Variants in PHACTR1 observed in about 807,000 individuals in gnomAD.
PHACTR1 encodes the protein phosphatase and actin regulator 1.
In PHACTR1, 16 loss-of-function variants were observed where a neutral mutation model predicts 69.2. That is an observed-to-expected ratio of 0.23 (90% confidence interval 0.16 to 0.35). The LOEUF (loss-of-function observed/expected upper bound fraction) is 0.35, where lower values mean the gene tolerates loss of function less well. PHACTR1 is among the 10% of genes least tolerant of loss of function. The pLI is 1.00. For missense variants in PHACTR1, 510 were observed against 734.7 expected, an observed-to-expected ratio of 0.69 and a Z score of 3.54; for synonymous variants, 312 against 284.5, an observed-to-expected ratio of 1.10 and a Z score of -0.97.
chr6:12,820,337 C>G (rs145058910), intron 4 of PHACTR1, among the ~76,000 whole-genome samples: 1 of 152,166 alleles, frequency 6.6e-6, no homozygotes, highest in African/African-American at 2.4e-5. Context: ...CATGCCACCA[C>G]GTCTGACTAA....
intron 12 of PHACTR1, chr6:13,281,146 C>T (rs1385483722): frequency 7.8e-7 from 1 of 1,284,258 alleles, no homozygotes. Flanking sequence ...GTCTTCGGTT[C>T]ACTCCAGACT....
At position 12,963,454 on chromosome 6, in the gene PHACTR1, TA is replaced by T. The variant is rs36012157; in HGVS notation, c.251-89899del. Among the ~76,000 whole-genome samples, 215 of 145,296 alleles carry T rather than the reference TA, an allele frequency of 1.5e-3. 1 individual carries two copies. Among genetic ancestry groups the T allele is most frequent in the African/African-American group, 4.7e-3 (184 of 39,514 alleles). On this transcript the variant is annotated intron_variant, in intron 4 of 14. Transcript: ENST00000332995. ...GCAAGACATGTACTTTGATTTTCTT[TA>T]AAAAAAAAAAACAAACCAACTGACG...
chr6:12,721,157 G>A (rs890415695), intron 3 of PHACTR1, among the ~76,000 whole-genome samples: 6 of 152,146 alleles, frequency 3.9e-5, no homozygotes, highest in South Asian at 2.1e-4. Flanking sequence ...AAGCCGAGGC[G>A]GGTGGATCAC....
chr6:13,103,706 G>A (rs772794661), intron 5 of PHACTR1, among the ~76,000 whole-genome samples: 1 of 152,164 alleles, frequency 6.6e-6, no homozygotes, highest in Non-Finnish European at 1.5e-5. Context: ...CCCATTGTTG[G>A]CATTTGACAA....
At chr6:12,882,433 A>G (rs1783194650) in intron 4 of PHACTR1, among the ~76,000 whole-genome samples, 1 of 152,254 alleles carries the variant, frequency 6.6e-6, no homozygotes, top group Middle Eastern at 3.4e-3. Flanking sequence ...TCTCATTACC[A>G]TGCAGTCACA....
At chr6:13,047,107 G>A (rs1230878196) in intron 4 of PHACTR1, among the ~76,000 whole-genome samples, 2 of 152,158 alleles carry the variant, frequency 1.3e-5, no homozygotes, top group Admixed American at 1.3e-4. Flanking sequence ...GCTGGCCGTG[G>A]AGGCTCACAC....
chr6:12,953,501 A>G (rs1158197220), intron 4 of PHACTR1, among the ~76,000 whole-genome samples: 1 of 152,234 alleles, frequency 6.6e-6, no homozygotes, highest in African/African-American at 2.4e-5. Flanking sequence ...AAATAAGTTA[A>G]CAAATATGTA....
intron 4 of PHACTR1, chr6:12,933,877 G>A (rs747891708): frequency 1.2e-6 from 2 of 1,612,580 alleles, no homozygotes; most frequent in Middle Eastern, 1.7e-4. Flanking sequence ...CTTTAGAGGG[G>A]GAAGAGTTTG....
intron 4 of PHACTR1, among the ~76,000 whole-genome samples, chr6:12,838,000 T>C (rs1251928752): frequency 6.6e-6 from 1 of 152,212 alleles, no homozygotes; most frequent in African/African-American, 2.4e-5. Context: ...GCTCATGTCA[T>C]TGTCAGCAGA....
chr6:13,100,399 T>A (rs898798298), intron 5 of PHACTR1, among the ~76,000 whole-genome samples: 5 of 152,216 alleles, frequency 3.3e-5, no homozygotes, highest in African/African-American at 1.2e-4. Flanking sequence ...TGTCTGCCTG[T>A]AGTAGGTATG....
At chr6:12,905,374 C>T (rs1785616089) in intron 4 of PHACTR1, among the ~76,000 whole-genome samples, 1 of 152,194 alleles carries the variant, frequency 6.6e-6, no homozygotes, top group South Asian at 2.1e-4. Context: ...ATAAGACCTT[C>T]AGCGCTGGTT....
chr6:13,134,245 G>T lies in PHACTR1; in HGVS notation c.416-25959G>T, dbSNP rs560710171. Among the ~76,000 whole-genome samples, 456 of 143,330 alleles carry T rather than the reference G, an allele frequency of 3.2e-3. 5 individuals carry two copies. Among genetic ancestry groups the T allele is most frequent in the African/African-American group, 0.011 (434 of 38,738 alleles). The allele number at this position is 143,330 out of a possible 152,430, so 94.0% of individuals were successfully genotyped here. On this transcript the variant is annotated intron_variant, in intron 5 of 14. Transcript: ENST00000332995. ...GCCCCGCCAGCCGCCCTGTCCGGGA[G>T]GGAGGTGGGGGGCGCCTCTGCCCGG...
Position 13,287,401 on chromosome 6 carries a change from C to A in PHACTR1, c.*323C>A. ...CCTTGTCCTCTCCAGCCAGGCCCAG[C>A]AGGCACTACCTTCATGAAGTCTCCA... is the stretch of plus-strand genomic sequence containing the variant. On this transcript the variant is annotated 3_prime_UTR_variant, in exon 15 of 15. Coordinates refer to ENST00000332995, the MANE Select transcript of PHACTR1 (RefSeq NM_030948.6). The A allele has an allele frequency of 2.7e-6, 1 of 366,522 alleles. No individual in the cohort carries two copies. Among genetic ancestry groups the A allele is most frequent in the Non-Finnish European group, 5.0e-6 (1 of 201,938 alleles). 22.7% of individuals were successfully genotyped at this position (366,522 alleles called of 1,614,324 possible).
chr6:12,822,703 C>T (rs1776356963), intron 4 of PHACTR1, among the ~76,000 whole-genome samples: 1 of 152,168 alleles, frequency 6.6e-6, no homozygotes, highest in Admixed American at 6.5e-5. Flanking sequence ...AGAACAGAAC[C>T]AGACCTTCTT....
chr6:12,955,276 G>A (rs1047544416), intron 4 of PHACTR1, among the ~76,000 whole-genome samples: 1 of 143,786 alleles, frequency 7.0e-6, no homozygotes, highest in African/African-American at 2.7e-5. Flanking sequence ...GTGGCTCACC[G>A]TAGCTTTGAC....
intron 4 of PHACTR1, among the ~76,000 whole-genome samples, chr6:12,775,386 T>C (rs1186554838): frequency 1.3e-5 from 2 of 152,236 alleles, no homozygotes; most frequent in South Asian, 2.1e-4. Flanking sequence ...GCCACATAGT[T>C]AACTAGTAAT....
At chr6:13,043,023 G>A (rs1214038618) in intron 4 of PHACTR1, among the ~76,000 whole-genome samples, 1 of 152,188 alleles carries the variant, frequency 6.6e-6, no homozygotes, top group Non-Finnish European at 1.5e-5. Context: ...GTTTCAGGCA[G>A]GGCTGGATCC....
At chr6:12,757,869 T>C (rs1298302609) in intron 4 of PHACTR1, among the ~76,000 whole-genome samples, 1 of 152,000 alleles carries the variant, frequency 6.6e-6, no homozygotes, top group African/African-American at 2.4e-5. Flanking sequence ...TCTAGCACCT[T>C]AGGAGGCCAA....
chr6:13,214,787 G>A (rs1169712109), intron 8 of PHACTR1, among the ~76,000 whole-genome samples: 1 of 152,120 alleles, frequency 6.6e-6, no homozygotes, highest in African/African-American at 2.4e-5. Flanking sequence ...AAATATGAAT[G>A]AGTTTTTGTT....
Sources: allele counts gnomAD v4.1 joint callset (sites outside exome capture counted in the v4.1 genomes callset), GRCh38; gene constraint gnomAD v4.1.1; transcripts MANE v1.5; gene names NCBI Gene and HGNC (gene_info 2026-07-23, HGNC 2026-07-21).